Variants in VWC2 observed in about 807,000 individuals in gnomAD.
The protein encoded by VWC2 is von Willebrand factor C domain containing 2.
Under a neutral mutation model 29.8 loss-of-function variants are expected in VWC2, and 14 were observed. The observed-to-expected ratio is 0.47, with a 90% CI of 0.31 to 0.74. The LOEUF (loss-of-function observed/expected upper bound fraction) is 0.74. Among genes scored for constraint, VWC2 ranks in the 30% least tolerant of loss-of-function variants. The pLI is 0.05. For missense variants in VWC2, 457 were observed against 459.8 expected, an observed-to-expected ratio of 0.99 and a Z score of 0.05; for synonymous variants, 213 against 199.0, an observed-to-expected ratio of 1.07 and a Z score of -0.59.
At chr7:49,821,258 C>A (rs1190237735) in intron 3 of VWC2, among the ~76,000 whole-genome samples, 1 of 152,178 alleles carries the variant, frequency 6.6e-6, no homozygotes, top group Non-Finnish European at 1.5e-5. Flanking sequence ...GCAGTAAACT[C>A]ACTGGCCAGA....
intron 3 of VWC2, among the ~76,000 whole-genome samples, chr7:49,898,733 T>A (rs1792534135): frequency 6.6e-6 from 1 of 152,124 alleles, no homozygotes; most frequent in Admixed American, 6.5e-5. Context: ...ATTTTGTTAT[T>A]ATAAGATACT....
chr7:49,814,183 ATTAT>A (rs1334807022), intron 3 of VWC2, among the ~76,000 whole-genome samples: 2 of 152,156 alleles, frequency 1.3e-5, no homozygotes, highest in African/African-American at 4.8e-5. Flanking sequence ...ATGGGTATTA[ATTAT>A]TTATTCTTAT....
chr7:49,907,687 T>C (rs1027832365), intron 3 of VWC2, among the ~76,000 whole-genome samples: 6 of 152,166 alleles, frequency 3.9e-5, no homozygotes. Context: ...ACATGTAATG[T>C]ATATATTGGT....
At chr7:49,833,820 G>A (rs1789594036) in intron 3 of VWC2, among the ~76,000 whole-genome samples, 1 of 152,122 alleles carries the variant, frequency 6.6e-6, no homozygotes, top group Non-Finnish European at 1.5e-5. Context: ...AACAATGTAA[G>A]CAACTTACCA....
At chr7:49,856,091 C>G (rs1790406037) in intron 3 of VWC2, among the ~76,000 whole-genome samples, 1 of 152,144 alleles carries the variant, frequency 6.6e-6, no homozygotes, top group African/African-American at 2.4e-5. Context: ...GAAACACCAC[C>G]CTACTGGGAG....
At chr7:49,826,992 T>A (rs1331314724) in intron 3 of VWC2, among the ~76,000 whole-genome samples, 2 of 152,100 alleles carry the variant, frequency 1.3e-5, no homozygotes, top group African/African-American at 4.8e-5. Context: ...CAGGAAAAAA[T>A]AGTTTATTCA....
intron 3 of VWC2, among the ~76,000 whole-genome samples, chr7:49,864,663 C>G (rs560997971): frequency 6.6e-6 from 1 of 152,322 alleles, no homozygotes; most frequent in African/African-American, 2.4e-5. Context: ...TTAGGCAAAA[C>G]AGAGGCCTGC....
At chr7:49,900,669 C>T (rs1467653401) in intron 3 of VWC2, among the ~76,000 whole-genome samples, 2 of 151,742 alleles carry the variant, frequency 1.3e-5, no homozygotes, top group African/African-American at 4.8e-5. Context: ...TAATTAACAT[C>T]CTTCCAAAAC....
In VWC2 at chr7:49,801,262, A is replaced by G. The variant is rs577365455; in HGVS notation, c.697-1449A>G. Reference sequence around the variant, plus strand: ...TTACCTTACAAGCGGTATTTGTATCATGGACGTGGGGCACACAACTCAACT... The same window carrying G: ...TTACCTTACAAGCGGTATTTGTATCGTGGACGTGGGGCACACAACTCAACT... On this transcript the variant is annotated intron_variant, in intron 2 of 3. Coordinates refer to ENST00000340652, the MANE Select transcript of VWC2 (RefSeq NM_198570.5). Among the ~76,000 whole-genome samples the G allele has an allele frequency of 1.6e-4, 24 of 152,342 alleles. No homozygotes were observed. In the South Asian group the frequency reaches 5.0e-3, roughly 32 times the overall value.
chr7:49,818,719 T>A (rs1198746509), intron 3 of VWC2, among the ~76,000 whole-genome samples: 1 of 151,130 alleles, frequency 6.6e-6, no homozygotes, highest in Admixed American at 6.6e-5. Flanking sequence ...AAATTGAAGA[T>A]AAAAATATAT....
At chr7:49,907,175 T>C (rs2128740275) in intron 3 of VWC2, among the ~76,000 whole-genome samples, 1 of 152,174 alleles carries the variant, frequency 6.6e-6, no homozygotes, top group Non-Finnish European at 1.5e-5. Context: ...AATGAGGAAA[T>C]AATTTGCTTA....
At chr7:49,779,541 C>T (rs1788129762) in intron 2 of VWC2, among the ~76,000 whole-genome samples, 1 of 151,894 alleles carries the variant, frequency 6.6e-6, no homozygotes, top group Non-Finnish European at 1.5e-5. Context: ...TAACTTATAC[C>T]AGCAGGCATC....
rs141916611 is a variant in VWC2 at position 49,892,337 on chromosome 7, C to T, written c.827-19697C>T. Among the ~76,000 whole-genome samples the T allele has an allele frequency of 1.1e-4, 16 of 152,070 alleles. No individual in the cohort carries two copies. In the East Asian group the frequency reaches 1.9e-3, roughly 18 times the overall value. On this transcript the variant is annotated intron_variant, in intron 3 of 3. Transcript: ENST00000340652. Reference sequence around the variant, plus strand: ...CTGGGATTACAAGCGTGAGCCACCGCGCCCGGCCAGACAAAGTAGATTTTA... The same window carrying T: ...CTGGGATTACAAGCGTGAGCCACCGTGCCCGGCCAGACAAAGTAGATTTTA...
intron 1 of VWC2, among the ~76,000 whole-genome samples, chr7:49,774,751 G>A (rs2128700120): frequency 6.6e-6 from 1 of 152,334 alleles, no homozygotes; most frequent in East Asian, 1.9e-4. Flanking sequence ...AGAGCGGGGA[G>A]GGGGCGTCTG....
In VWC2 at chr7:49,873,075, T is replaced by C. The variant is rs2128724015; in HGVS notation, c.827-38959T>C. ...ATGAAGAAAAAATGTTCAACCTTAG[T>C]AGTTTTCAGGGAACTGCAAAACAAT... On this transcript the variant is annotated intron_variant, in intron 3 of 3. Coordinates refer to ENST00000340652, the MANE Select transcript of VWC2 (RefSeq NM_198570.5). Among the ~76,000 whole-genome samples, 3 of 152,222 alleles carry C rather than the reference T, an allele frequency of 2.0e-5. No individual in the cohort carries two copies. The South Asian group carries it at 6.2e-4, about 32-fold the overall frequency.
At chr7:49,797,054 T>C (rs690868) in intron 2 of VWC2, among the ~76,000 whole-genome samples, 94,212 of 152,130 alleles carry the variant, frequency 0.62, 30,032 homozygotes, top group African/African-American at 0.71. Flanking sequence ...GTCCTTGCTG[T>C]CTATGTACAT....
rs532287630 is a variant in VWC2, at chr7:49,851,419, A to T, written c.826+48579A>T. ...AACACCAGAGCCTGGCTCATAGCAG[A>T]CGGGCACTTAAGGATGTCTGCCCAC... On this transcript the variant is annotated intron_variant, in intron 3 of 3. Transcript: ENST00000340652. 7.2e-4 allele frequency among the ~76,000 whole-genome samples: 110 copies of T among 152,348 alleles called. 1 individual carries two copies. Among genetic ancestry groups the T allele is most frequent in the African/African-American group, 2.5e-3 (105 of 41,588 alleles).
chr7:49,775,586 G>T lies in VWC2; in HGVS notation c.151G>T (p.Ala51Ser). The change falls in exon 2 of 4, where the codon GCC becomes TCC. Residue 51 changes from alanine to serine, a missense_variant. Around this residue, in one of 2 missense-constraint regions of VWC2, gnomAD observed 272 missense variants for 202.7 expected, o/e 1.34. Transcript: ENST00000340652. ...EQPGQEKREH[A>S]SRDGPGRVNE... ...GCCGGGCCAGGAGAAGCGTGAGCAC[G>T]CCTCTCGGGACGGCCCGGGGCGGGT... 6.5e-7 allele frequency: 1 copy of T among 1,538,266 alleles called. No homozygotes were observed. The highest frequency in any genetic ancestry group is 8.7e-7 in the Non-Finnish European group (1 of 1,144,464).
intron 3 of VWC2, 45 bp from the exon 4 acceptor site, chr7:49,911,989 A>G (rs1562770803): frequency 6.7e-7 from 1 of 1,495,230 alleles, no homozygotes; most frequent in Non-Finnish European, 9.0e-7. Flanking sequence ...TATATATTAT[A>G]TATTTATGCA....
Sources: allele counts gnomAD v4.1 joint callset (sites outside exome capture counted in the v4.1 genomes callset), GRCh38; gene constraint gnomAD v4.1.1; regional missense constraint gnomAD v4.1.1; transcripts MANE v1.5; gene names NCBI Gene and HGNC (gene_info 2026-07-23, HGNC 2026-07-21).